Variants in AFG2A observed in about 807,000 individuals in gnomAD.
The protein encoded by AFG2A is AAA ATPase AFG2A, also known as ATPase family gene 2 protein homolog A.
the AFG2A span, among the ~76,000 whole-genome samples, chr4:123,069,719 C>A: frequency 6.6e-6 from 1 of 152,032 alleles, no homozygotes; most frequent in African/African-American, 2.4e-5. Context: ...TAAACATATT[C>A]TTATCTGGAA....
At chr4:123,281,281 G>T in the AFG2A span, among the ~76,000 whole-genome samples, 5 of 152,098 alleles carry the variant, frequency 3.3e-5, no homozygotes, top group African/African-American at 1.2e-4. Flanking sequence ...AAGATAAAAG[G>T]AACCTGAATA....
At chr4:122,988,961 G>A in the AFG2A span, among the ~76,000 whole-genome samples, 1 of 151,980 alleles carries the variant, frequency 6.6e-6, no homozygotes, top group Non-Finnish European at 1.5e-5. Context: ...CAGAATTTCT[G>A]TTTGGTTCTT....
the AFG2A span, among the ~76,000 whole-genome samples, chr4:123,098,693 G>A: frequency 6.6e-6 from 1 of 151,912 alleles, no homozygotes; most frequent in African/African-American, 2.4e-5. Context: ...CAAATGACAG[G>A]ATTTCCTTTT....
chr4:123,060,424 T>C, the AFG2A span, among the ~76,000 whole-genome samples: 6 of 152,224 alleles, frequency 3.9e-5, no homozygotes, highest in African/African-American at 1.4e-4. Context: ...CAACATCTTC[T>C]GAAATCTAGG....
At chr4:123,077,054 T>G in the AFG2A span, among the ~76,000 whole-genome samples, 1 of 148,812 alleles carries the variant, frequency 6.7e-6, no homozygotes, top group Non-Finnish European at 1.5e-5. Context: ...TTGTTTTTTT[T>G]TTTTTTTTTT....
At chr4:122,963,217 A>ATT in the AFG2A span, among the ~76,000 whole-genome samples, 10 of 152,328 alleles carry the variant, frequency 6.6e-5, no homozygotes, top group Non-Finnish European at 1.5e-4. Context: ...AGTACAATAC[A>ATT]GTGTGTTGGG....
At chr4:123,234,669 G>A in the AFG2A span, among the ~76,000 whole-genome samples, 1 of 151,992 alleles carries the variant, frequency 6.6e-6, no homozygotes, top group Non-Finnish European at 1.5e-5. Context: ...TTTCATTTTA[G>A]ATACAAATTA....
the AFG2A span, among the ~76,000 whole-genome samples, chr4:123,144,743 A>G: frequency 6.6e-6 from 1 of 152,118 alleles, no homozygotes; most frequent in Non-Finnish European, 1.5e-5. Context: ...AGTGACCTCA[A>G]AGAACCTGTG....
At chr4:123,311,637 A>G in the AFG2A span, among the ~76,000 whole-genome samples, 28 of 17,920 alleles carry the variant, frequency 1.6e-3, no homozygotes, top group African/African-American at 2.1e-3. Flanking sequence ...AAAAAAAAAA[A>G]AAAAAAAAAA....
At chr4:123,158,601 C>T in the AFG2A span, among the ~76,000 whole-genome samples, 5 of 152,106 alleles carry the variant, frequency 3.3e-5, no homozygotes, top group African/African-American at 4.8e-5. Context: ...CAAAGAACTT[C>T]GGGTCAAGAA....
chr4:122,995,781 A>G, the AFG2A span, among the ~76,000 whole-genome samples: 635 of 152,298 alleles, frequency 4.2e-3, 3 homozygotes, highest in Non-Finnish European at 5.9e-3. Context: ...GCATTATGCT[A>G]CGCTTCTTTG....
At chr4:123,149,607 T>A in the AFG2A span, among the ~76,000 whole-genome samples, 1 of 152,176 alleles carries the variant, frequency 6.6e-6, no homozygotes, top group Non-Finnish European at 1.5e-5. Context: ...CATAAGATTC[T>A]GGTACAACTT....
At chr4:123,086,774 A>T in the AFG2A span, among the ~76,000 whole-genome samples, 1 of 151,972 alleles carries the variant, frequency 6.6e-6, no homozygotes, top group Non-Finnish European at 1.5e-5. Flanking sequence ...GGAAGTTTGT[A>T]TATACATATC....
the AFG2A span, among the ~76,000 whole-genome samples, chr4:123,305,306 C>G: frequency 6.6e-6 from 1 of 152,110 alleles, no homozygotes; most frequent in African/African-American, 2.4e-5. Flanking sequence ...TTCGGCATCC[C>G]TATTGGAAGG....
chr4:123,243,315 CTA>C, the AFG2A span, among the ~76,000 whole-genome samples: 1 of 152,144 alleles, frequency 6.6e-6, no homozygotes, highest in Non-Finnish European at 1.5e-5. Context: ...TATTGCAGCA[CTA>C]TTCACGATAG....
the AFG2A span, among the ~76,000 whole-genome samples, chr4:123,101,897 G>A: frequency 6.6e-6 from 1 of 151,914 alleles, no homozygotes; most frequent in Non-Finnish European, 1.5e-5. Context: ...CAATGGAAGA[G>A]TAAAGGCAGA....
the AFG2A span, among the ~76,000 whole-genome samples, chr4:122,926,559 A>G: frequency 6.6e-6 from 1 of 152,202 alleles, no homozygotes; most frequent in African/African-American, 2.4e-5. Context: ...TTTTGTAGTG[A>G]CAGAATAATG....
At chr4:123,148,622 A>C in the AFG2A span, among the ~76,000 whole-genome samples, 4 of 152,172 alleles carry the variant, frequency 2.6e-5, no homozygotes, top group Non-Finnish European at 4.4e-5. Context: ...TGATACCACC[A>C]CCAGAGCCTT....
chr4:122,942,181 T>C, the AFG2A span, among the ~76,000 whole-genome samples: 1 of 150,760 alleles, frequency 6.6e-6, no homozygotes, highest in African/African-American at 2.4e-5. Context: ...TCTTTTTCTA[T>C]TGATTGGAAT....
Sources: gnomAD v4.1 joint callset for allele counts (sites outside exome capture counted in the v4.1 genomes callset) on GRCh38, gnomAD v4.1.1 for gene constraint, MANE v1.5 for transcripts, NCBI Gene and HGNC (gene_info 2026-07-23, HGNC 2026-07-21) for gene names.